The following ASAP1 variants were observed in gnomAD, a reference collection of about 807,000 sequenced individuals.
The protein encoded by ASAP1 is arf-GAP with SH3 domain, ANK repeat and PH domain-containing protein 1.
Under a neutral mutation model 145.2 loss-of-function variants are expected in ASAP1, and 43 were observed. The observed-to-expected ratio is 0.30, with a 90% CI of 0.23 to 0.38. ASAP1 has a LOEUF of 0.38. Ranked by LOEUF, ASAP1 falls within the 10% of genes least tolerant of loss-of-function variation. The probability of loss-of-function intolerance (pLI) is 1.00; values close to 1 mark genes in which losing one functional copy is unlikely to be tolerated. For synonymous variants in ASAP1, 546 were observed against 515.5 expected (o/e 1.06, Z -0.80); for missense variants, 1,018 against 1,355.3 (o/e 0.75, Z 3.91).
chr8:130,101,549 C>T (rs943771487), intron 24 of ASAP1, among the ~76,000 whole-genome samples: 1 of 151,424 alleles, frequency 6.6e-6, no homozygotes, highest in African/African-American at 2.4e-5. Flanking sequence ...GGGTAGCTAT[C>T]GTAAAAGGGA....
intron 3 of ASAP1, among the ~76,000 whole-genome samples, chr8:130,356,433 A>T (rs1027826835): frequency 1.3e-5 from 2 of 152,196 alleles, no homozygotes; most frequent in African/African-American, 4.8e-5. Context: ...AACATGTTTC[A>T]ATTTATTACA....
At chr8:130,099,402 G>T (rs890455816) in intron 24 of ASAP1, among the ~76,000 whole-genome samples, 1 of 151,874 alleles carries the variant, frequency 6.6e-6, no homozygotes, top group Non-Finnish European at 1.5e-5. Context: ...GGATGGTCTC[G>T]ATCTCCTGAC....
At chr8:130,124,167 C>T in intron 17 of ASAP1, 63 bp from the exon 18 acceptor site, 3 of 1,165,030 alleles carry the variant, frequency 2.6e-6, no homozygotes, top group Non-Finnish European at 3.7e-6. Context: ...TAAAAGTCTC[C>T]TATTATTTGT....
chr8:130,276,899 G>A (rs565861227), intron 3 of ASAP1, among the ~76,000 whole-genome samples: 2 of 152,212 alleles, frequency 1.3e-5, no homozygotes, highest in South Asian at 2.1e-4. Flanking sequence ...AGCGGTCTTG[G>A]CAGACACAGA....
intron 3 of ASAP1, among the ~76,000 whole-genome samples, chr8:130,356,239 A>C (rs539874713): frequency 1.3e-5 from 2 of 152,204 alleles, no homozygotes; most frequent in Non-Finnish European, 2.9e-5. Context: ...CACACCCTTC[A>C]CAAACAGAAT....
intron 1 of ASAP1, among the ~76,000 whole-genome samples, chr8:130,426,068 G>A (rs951858428): frequency 3.9e-5 from 6 of 152,280 alleles, no homozygotes; most frequent in South Asian, 2.1e-4. Flanking sequence ...TCCCAGTGTC[G>A]GAGGAGGGGC....
chr8:130,215,924 CA>C (rs1454781196), intron 4 of ASAP1, among the ~76,000 whole-genome samples: 3 of 111,602 alleles, frequency 2.7e-5, no homozygotes, highest in Middle Eastern at 4.6e-3. Flanking sequence ...ACCCTATCTC[CA>C]AAAAAAAAGA....
intron 5 of ASAP1, 84 bp downstream of exon 5, chr8:130,214,472 G>A (rs1237037192): frequency 3.8e-6 from 5 of 1,317,992 alleles, no homozygotes; most frequent in Non-Finnish European, 5.1e-6. Context: ...GGATTGAGGG[G>A]GAAGGATTAT....
At chr8:130,273,842 G>A (rs866464198) in intron 3 of ASAP1, among the ~76,000 whole-genome samples, 5 of 152,094 alleles carry the variant, frequency 3.3e-5, no homozygotes, top group African/African-American at 4.8e-5. Context: ...GGTAACATCC[G>A]CCACATAGAT....
At chr8:130,054,827 G>T in intron 29 of ASAP1, 22 bp from the exon 30 acceptor site, 1 of 1,605,602 alleles carries the variant, frequency 6.2e-7, no homozygotes, top group Non-Finnish European at 8.5e-7. Context: ...AAAGAGAGTG[G>T]TCAGGATGGA....
intron 3 of ASAP1, among the ~76,000 whole-genome samples, chr8:130,349,547 C>T (rs1350569240): frequency 1.3e-5 from 2 of 152,204 alleles, no homozygotes; most frequent in African/African-American, 2.4e-5. Flanking sequence ...CAGTAAGGCT[C>T]AGTAACTTGC....
At chr8:130,111,916 G>T (rs970125746) in intron 24 of ASAP1, among the ~76,000 whole-genome samples, 178 bp downstream of exon 24, 2 of 152,216 alleles carry the variant, frequency 1.3e-5, no homozygotes, top group Non-Finnish European at 2.9e-5. Context: ...TGCCTGTCCT[G>T]CTCTTGGTAC....
intron 3 of ASAP1, among the ~76,000 whole-genome samples, chr8:130,311,088 T>C (rs1421410004): frequency 6.6e-6 from 1 of 152,198 alleles, no homozygotes; most frequent in Non-Finnish European, 1.5e-5. Flanking sequence ...CCAGGGCAGG[T>C]TGTCAGAAAT....
intron 3 of ASAP1, among the ~76,000 whole-genome samples, chr8:130,328,228 G>A (rs568510984): frequency 6.6e-6 from 1 of 152,118 alleles, no homozygotes; most frequent in African/African-American, 2.4e-5. Context: ...AAAGGCTTGA[G>A]CAAGTTCACA....
At chr8:130,235,073 G>A (rs80020748) in intron 4 of ASAP1, among the ~76,000 whole-genome samples, 1,779 of 152,090 alleles carry the variant, frequency 0.012, 22 homozygotes, top group Middle Eastern at 0.041. Context: ...TTATGGTAAG[G>A]AAATGTAAGA....
chr8:130,381,768 G>A (rs1194509047), intron 2 of ASAP1, among the ~76,000 whole-genome samples: 1 of 152,082 alleles, frequency 6.6e-6, no homozygotes, highest in Non-Finnish European at 1.5e-5. Flanking sequence ...CTACAGCCCT[G>A]CTTTTTGTCA....
intron 3 of ASAP1, among the ~76,000 whole-genome samples, chr8:130,335,587 G>T (rs529248677): frequency 1.3e-5 from 2 of 152,184 alleles, no homozygotes; most frequent in Non-Finnish European, 2.9e-5. Context: ...TGCCTAAAGA[G>T]CATACAACCA....
In ASAP1 at chr8:130,187,407, T is replaced by C. The variant is rs1814809713; in HGVS notation, c.481-122A>G. The C allele has an allele frequency of 2.4e-5, 19 of 779,206 alleles. No individual in the cohort carries two copies. The South Asian group carries it at 3.0e-4, about 12-fold the overall frequency. The allele number at this position is 779,206 out of a possible 1,614,324, so 48.3% of individuals were successfully genotyped here. On this transcript the variant is annotated intron_variant, in intron 6 of 29. Transcript: ENST00000518721. ...ATAGGACACTGGGAACTTCACTTTA[T>C]GCACGTTACACCATTTTTTTTTTTT...
intron 20 of ASAP1, among the ~76,000 whole-genome samples, chr8:130,117,602 T>A (rs2097558462): frequency 6.6e-6 from 1 of 152,202 alleles, no homozygotes; most frequent in Non-Finnish European, 1.5e-5. Context: ...ATCCAGCAAG[T>A]CCAAACTTCC....
Sources: allele counts gnomAD v4.1 joint callset (sites outside exome capture counted in the v4.1 genomes callset), GRCh38; gene constraint gnomAD v4.1.1; transcripts MANE v1.5; gene names NCBI Gene and HGNC (gene_info 2026-07-23, HGNC 2026-07-21).